Variants in FRMD5 observed in about 807,000 individuals in gnomAD.
FRMD5 encodes the protein FERM domain-containing protein 5.
In FRMD5, 20 loss-of-function variants were observed where a neutral mutation model predicts 69.0. That is an observed-to-expected ratio of 0.29 (90% CI 0.20 to 0.42). The LOEUF (loss-of-function observed/expected upper bound fraction) is 0.42. FRMD5 is among the 10% of genes least tolerant of loss of function. The pLI, the probability that FRMD5 is intolerant of heterozygous loss-of-function variation, is 1.00. For synonymous variants in FRMD5, 271 were observed against 260.1 expected (o/e 1.04, Z -0.40); for missense variants, 595 against 708.6 (o/e 0.84, Z 1.82).
intron 1 of FRMD5, among the ~76,000 whole-genome samples, chr15:43,954,804 A>G (rs1011758678): frequency 1.3e-5 from 2 of 152,174 alleles, no homozygotes; most frequent in Admixed American, 6.5e-5. Flanking sequence ...TCTACCTTAC[A>G]TGAGATAAGT....
intron 1 of FRMD5, among the ~76,000 whole-genome samples, chr15:44,004,191 C>A (rs897755976): frequency 6.6e-6 from 1 of 152,134 alleles, no homozygotes; most frequent in Non-Finnish European, 1.5e-5. Context: ...AGTAACACAC[C>A]CACACCAGTG....
intron 1 of FRMD5, among the ~76,000 whole-genome samples, chr15:43,949,101 A>G (rs926994774): frequency 3.3e-5 from 5 of 152,260 alleles, no homozygotes; most frequent in Non-Finnish European, 5.9e-5. Context: ...GTTAGTAGGC[A>G]AAGCCTGCAG....
chr15:44,003,865 C>T (rs376483936), intron 1 of FRMD5, among the ~76,000 whole-genome samples: 41 of 152,260 alleles, frequency 2.7e-4, no homozygotes, highest in African/African-American at 9.6e-4. Context: ...TTATTCTCCA[C>T]CCCTGGATCA....
chr15:43,901,697 C>T (rs749955788), intron 7 of FRMD5, among the ~76,000 whole-genome samples: 6 of 152,170 alleles, frequency 3.9e-5, no homozygotes, highest in Non-Finnish European at 8.8e-5. Flanking sequence ...GCAGCCTCCC[C>T]GGCTGGTTCT....
intron 13 of FRMD5, chr15:43,876,198 C>A (rs1423445851): frequency 6.3e-7 from 1 of 1,598,188 alleles, no homozygotes; most frequent in Non-Finnish European, 8.6e-7. Context: ...AGAGGCTGCA[C>A]CCCCTTTCCC....
intron 1 of FRMD5, among the ~76,000 whole-genome samples, chr15:44,092,073 A>G (rs1053441640): frequency 6.6e-6 from 1 of 152,100 alleles, no homozygotes; most frequent in Admixed American, 6.6e-5. Flanking sequence ...ACTGCTTCAT[A>G]TTTTTCTCTC....
intron 1 of FRMD5, among the ~76,000 whole-genome samples, chr15:44,094,967 C>G (rs1015350281): frequency 1.3e-5 from 2 of 151,994 alleles, no homozygotes; most frequent in African/African-American, 4.8e-5. Flanking sequence ...TCCAGTGATT[C>G]ACGATGCATT....
intron 1 of FRMD5, chr15:44,063,778 G>A (rs958138483): frequency 6.1e-6 from 2 of 328,790 alleles, no homozygotes; most frequent in African/African-American, 4.5e-5. Flanking sequence ...ATGGGGTGAT[G>A]CTGGCACTAA....
At chr15:43,879,139 T>C (rs1036795254) in intron 13 of FRMD5, among the ~76,000 whole-genome samples, 3 of 151,986 alleles carry the variant, frequency 2.0e-5, no homozygotes, top group African/African-American at 4.8e-5. Flanking sequence ...GGTTTCGCCA[T>C]GTTGGCCAGG....
chr15:44,057,187 C>T (rs912100867), intron 1 of FRMD5, among the ~76,000 whole-genome samples: 3 of 151,272 alleles, frequency 2.0e-5, no homozygotes, highest in South Asian at 2.1e-4. Flanking sequence ...TGCAGTGACA[C>T]GATCTCGGCT....
At chr15:44,082,111 T>C (rs538887844) in intron 1 of FRMD5, among the ~76,000 whole-genome samples, 10 of 152,128 alleles carry the variant, frequency 6.6e-5, no homozygotes, top group African/African-American at 2.4e-4. Flanking sequence ...AAAATTCTTA[T>C]GACTGTTCAA....
At chr15:44,008,871 G>A (rs1012784204) in intron 1 of FRMD5, among the ~76,000 whole-genome samples, 15 of 151,884 alleles carry the variant, frequency 9.9e-5, no homozygotes, top group African/African-American at 3.1e-4. Flanking sequence ...CTAAAAATCC[G>A]AAAAATATGC....
At chr15:44,125,276 T>C (rs2077010604) in intron 1 of FRMD5, among the ~76,000 whole-genome samples, 1 of 152,102 alleles carries the variant, frequency 6.6e-6, no homozygotes, top group Non-Finnish European at 1.5e-5. Context: ...CACTCCAGCC[T>C]GGGCAACAGG....
At chr15:43,992,426 TG>T (rs1889729112) in intron 1 of FRMD5, among the ~76,000 whole-genome samples, 1 of 151,966 alleles carries the variant, frequency 6.6e-6, no homozygotes, top group Admixed American at 6.6e-5. Flanking sequence ...TTGCCCAGGC[TG>T]GAGAGCCGTG....
In FRMD5 at chr15:43,873,859, T is replaced by C. The variant is rs776803947; in HGVS notation, c.*26A>G. On this transcript the variant is annotated 3_prime_UTR_variant, in exon 14 of 14. Coordinates refer to ENST00000417257, the MANE Select transcript of FRMD5 (RefSeq NM_032892.5). ...AGCCGGGTTCCTTGGTCCACCTGGC[T>C]AGTTTTTGGGAGGAGTCATGCCTTC... 2 of 1,609,356 alleles carry C rather than the reference T, an allele frequency of 1.2e-6. No homozygotes were observed. Among genetic ancestry groups the C allele is most frequent in the African/African-American group, 1.3e-5 (1 of 74,938 alleles).
chr15:44,161,486 T>A (rs906321848), intron 1 of FRMD5, among the ~76,000 whole-genome samples: 1 of 152,250 alleles, frequency 6.6e-6, no homozygotes, highest in Admixed American at 6.5e-5. Flanking sequence ...CTTCTTCACC[T>A]GTAATATTAA....
chr15:44,134,536 C>T (rs956297008), intron 1 of FRMD5, among the ~76,000 whole-genome samples: 2 of 152,106 alleles, frequency 1.3e-5, no homozygotes, highest in African/African-American at 4.8e-5. Flanking sequence ...GCAACCTCCG[C>T]CTCCCAGGCT....
intron 1 of FRMD5, among the ~76,000 whole-genome samples, chr15:43,993,297 A>C (rs1228028813): frequency 1.3e-5 from 2 of 152,096 alleles, no homozygotes; most frequent in African/African-American, 2.4e-5. Context: ...GGTTCAAGCA[A>C]TTCTCCTGCC....
intron 1 of FRMD5, among the ~76,000 whole-genome samples, chr15:44,106,223 T>C (rs939255790): frequency 1.3e-5 from 2 of 152,186 alleles, no homozygotes; most frequent in East Asian, 1.9e-4. Context: ...ATTATTTTAA[T>C]AAGCCAAATT....
Sources: allele counts gnomAD v4.1 joint callset (sites outside exome capture counted in the v4.1 genomes callset), GRCh38; gene constraint gnomAD v4.1.1; transcripts MANE v1.5; gene names NCBI Gene and HGNC (gene_info 2026-07-23, HGNC 2026-07-21).